The following PALS1 variants were observed in gnomAD, a reference collection of about 807,000 sequenced individuals.
The protein encoded by PALS1 is protein PALS1.
Under a neutral mutation model 78.9 loss-of-function variants are expected in PALS1, and 31 were observed. The ratio of observed to expected loss-of-function variants is 0.39; its 90% CI spans 0.30 to 0.53. The LOEUF is 0.53. Ranked by LOEUF, PALS1 falls within the 20% of genes least tolerant of loss-of-function variation. The probability of loss-of-function intolerance (pLI) is 0.67; values close to 1 mark genes in which losing one functional copy is unlikely to be tolerated. For missense variants in PALS1, 704 were observed against 826.5 expected, an observed-to-expected ratio of 0.85 and a Z score of 1.82; for synonymous variants, 276 against 270.9, an observed-to-expected ratio of 1.02 and a Z score of -0.18.
At chr14:67,317,628 T>C (rs190298878) in intron 11 of PALS1, 149 bp downstream of exon 11, 715 of 521,752 alleles carry the variant, frequency 1.4e-3, no homozygotes, top group Non-Finnish European at 1.9e-3. Context: ...AGGCAGTGTT[T>C]TGAATTCTGG....
At chr14:67,314,074 C>A (rs570937501) in intron 9 of PALS1, among the ~76,000 whole-genome samples, 1 of 152,134 alleles carries the variant, frequency 6.6e-6, no homozygotes, top group African/African-American at 2.4e-5. Flanking sequence ...TTATCTACAA[C>A]CTTTTTTAGC....
intron 3 of PALS1, among the ~76,000 whole-genome samples, chr14:67,291,993 G>A (rs983814957): frequency 6.6e-6 from 1 of 152,126 alleles, no homozygotes; most frequent in African/African-American, 2.4e-5. Flanking sequence ...TGATTATTAT[G>A]TAATGAAATG....
At chr14:67,303,466 A>G in intron 7 of PALS1, 56 bp from the exon 8 acceptor site, 2 of 1,354,368 alleles carry the variant, frequency 1.5e-6, no homozygotes, top group Admixed American at 3.4e-5. Flanking sequence ...TCATAAAATC[A>G]TGGAATGATT....
At position 67,332,197 on chromosome 14, in the gene PALS1, T is replaced by C. The variant is rs2085460923; in HGVS notation, c.1852-583T>C. On this transcript the variant is annotated intron_variant, in intron 14 of 14. Coordinates refer to ENST00000261681, the MANE Select transcript of PALS1 (RefSeq NM_022474.4). The stretch of plus-strand genomic sequence containing the variant: ...TGATAATTAGAGGGTTCAGGATAAG[T>C]TTTGCACATAGCCTTGCTGCCTGCT... Among the ~76,000 whole-genome samples, 3 of 152,178 alleles carry C rather than the reference T, an allele frequency of 2.0e-5. No individual in the cohort carries two copies. In the South Asian group the frequency reaches 6.2e-4, roughly 32 times the overall value.
At chr14:67,261,036 G>A (rs2084228117) in intron 1 of PALS1, among the ~76,000 whole-genome samples, 1 of 152,172 alleles carries the variant, frequency 6.6e-6, no homozygotes, top group Non-Finnish European at 1.5e-5. Flanking sequence ...CATTGGACAA[G>A]TATTTATTTT....
chr14:67,321,758 G>A (rs1209883915), intron 13 of PALS1, among the ~76,000 whole-genome samples: 3 of 152,116 alleles, frequency 2.0e-5, no homozygotes, highest in Admixed American at 6.6e-5. Context: ...TGCTCAGAAA[G>A]TTTCAGATTT....
intron 2 of PALS1, among the ~76,000 whole-genome samples, chr14:67,276,312 G>A (rs1260269553): frequency 6.6e-6 from 1 of 152,028 alleles, no homozygotes; most frequent in East Asian, 1.9e-4. Context: ...ATTCTATTCT[G>A]TTTTCTGAAA....
chr14:67,269,889 C>G (rs549710624), intron 2 of PALS1, 106 bp downstream of exon 2: 50 of 152,474 alleles, frequency 3.3e-4, no homozygotes, highest in African/African-American at 1.2e-3. Context: ...GAATGCTGAT[C>G]ACTTAAAATG....
Position 67,323,682 on chromosome 14 carries a change from A to G in PALS1, c.1741-20A>G. ...TTAAATGATGCAAATTATTTTAAAA[A>G]TCAAAATGTCTCTTTACAGTCATTG... On this transcript the variant is annotated intron_variant, in intron 13 of 14. Coordinates refer to ENST00000261681, the MANE Select transcript of PALS1 (RefSeq NM_022474.4). 8.5e-7 allele frequency: 1 copy of G among 1,172,308 alleles called. No homozygotes were observed. Among genetic ancestry groups the G allele is most frequent in the Non-Finnish European group, 1.2e-6 (1 of 829,302 alleles). 72.6% of individuals were successfully genotyped at this position (1,172,308 alleles called of 1,614,324 possible). A position where few individuals can be genotyped will look rare whatever the true frequency, so the allele number is the denominator to read the frequency against.
At position 67,317,533 on chromosome 14, in the gene PALS1, T is replaced by C. The variant is rs929760059; in HGVS notation, c.1369+54T>C. ...ATTATATCTGAAAGGAGTCTAAACC[T>C]AGTCCTGTTTTGCACCTTAATGTTA... On this transcript the variant is annotated intron_variant, in intron 11 of 14. Transcript: ENST00000261681. 9.5e-6 allele frequency: 12 copies of C among 1,259,622 alleles called. No homozygotes were observed. In the African/African-American group the frequency reaches 1.4e-4, roughly 14 times the overall value. The allele number at this position is 1,259,622 out of a possible 1,614,324, so 78.0% of individuals were successfully genotyped here.
rs1277460260 is a variant in PALS1, at chr14:67,279,328, G to C, written c.158G>C (p.Ser53Thr). 2 of 1,613,934 alleles carry C rather than the reference G, an allele frequency of 1.2e-6. No individual in the cohort carries two copies. Among genetic ancestry groups the C allele is most frequent in the African/African-American group, 2.7e-5 (2 of 74,988 alleles). The change falls in exon 3 of 15, where the codon AGT becomes ACT. Residue 53 changes from serine to threonine, a missense_variant. Ser to Thr is a moderately conservative substitution (Grantham distance 58, BLOSUM62 1). Transcript: ENST00000261681. ...ACCAGGATGATGCCAATACGTCGAA[G>C]TGCACAGTTGGAGCGTATTCGGCAA... is the stretch of plus-strand genomic sequence containing the variant. ...LGTRMMPIRR[S>T]AQLERIRQQQ... is the part of the protein sequence containing the mutation.
chr14:67,295,707 G>A (rs1271072418), intron 4 of PALS1, among the ~76,000 whole-genome samples: 1 of 152,182 alleles, frequency 6.6e-6, no homozygotes, highest in Admixed American at 6.5e-5. Context: ...TTAAAAGACT[G>A]TCAGTATTGT....
intron 3 of PALS1, among the ~76,000 whole-genome samples, chr14:67,291,807 A>T (rs1159235717): frequency 6.6e-6 from 1 of 152,230 alleles, no homozygotes; most frequent in Non-Finnish European, 1.5e-5. Flanking sequence ...GAAGATTTTT[A>T]AAAATAATAA....
chr14:67,281,820 T>C (rs2084612264), intron 3 of PALS1, among the ~76,000 whole-genome samples: 2 of 152,062 alleles, frequency 1.3e-5, no homozygotes, highest in African/African-American at 4.8e-5. Flanking sequence ...ATTTTTTTTT[T>C]TTGCTTTTTC....
intron 2 of PALS1, 85 bp from the exon 3 acceptor site, chr14:67,278,933 G>C (rs1040562023): frequency 6.8e-5 from 24 of 354,328 alleles, no homozygotes; most frequent in Non-Finnish European, 1.0e-4. Context: ...TTTCTACGTT[G>C]TATGGTGATT....
At chr14:67,290,446 A>C (rs2084755035) in intron 3 of PALS1, among the ~76,000 whole-genome samples, 1 of 152,240 alleles carries the variant, frequency 6.6e-6, no homozygotes, top group Admixed American at 6.5e-5. Context: ...TCAGTTGCCC[A>C]GGCTAGAGTG....
At chr14:67,293,447 A>G (rs1282050583) in intron 4 of PALS1, among the ~76,000 whole-genome samples, 1 of 152,158 alleles carries the variant, frequency 6.6e-6, no homozygotes, top group East Asian at 1.9e-4. Context: ...TGAGCAGAAA[A>G]TGGGCTATTG....
At chr14:67,292,833 T>TCA in intron 4 of PALS1, 114 bp downstream of exon 4, 3 of 767,284 alleles carry the variant, frequency 3.9e-6, no homozygotes, top group Non-Finnish European at 6.1e-6. Flanking sequence ...TAATTACTGT[T>TCA]AATTACATGT....
At chr14:67,287,754 T>G (rs2084712799) in intron 3 of PALS1, among the ~76,000 whole-genome samples, 2 of 152,252 alleles carry the variant, frequency 1.3e-5, no homozygotes, top group African/African-American at 4.8e-5. Flanking sequence ...CAGTGTCATC[T>G]ATACGGTTAG....
Sources: allele counts gnomAD v4.1 joint callset (sites outside exome capture counted in the v4.1 genomes callset), GRCh38; gene constraint gnomAD v4.1.1; transcripts MANE v1.5; gene names NCBI Gene and HGNC (gene_info 2026-07-23, HGNC 2026-07-21).